HHLA1: variants seen among roughly 807,000 people sequenced by gnomAD.
HHLA1 encodes HHLA1 neighbor of OC90, also known as HERV-H LTR-associating protein 1.
HHLA1 carries 72 observed loss-of-function variants against 69.9 expected under a neutral mutation model. That is an observed-to-expected ratio of 1.03 (90% CI 0.85 to 1.25). HHLA1 has a LOEUF of 1.25. Among genes scored for constraint, HHLA1 ranks in the 50% most tolerant of loss-of-function variants. The probability of loss-of-function intolerance (pLI) is 0.00; values close to 1 mark genes in which losing one functional copy is unlikely to be tolerated. For synonymous variants in HHLA1, 252 were observed against 233.2 expected (o/e 1.08, Z -0.73); for missense variants, 685 against 642.2 (o/e 1.07, Z -0.72).
intron 11 of HHLA1, 107 bp downstream of exon 11, chr8:132,079,611 G>GT (rs894873919): frequency 2.4e-6 from 3 of 1,231,932 alleles, no homozygotes; most frequent in Non-Finnish European, 2.2e-6. Context: ...CGTAACTTCA[G>GT]TTGGTGGAGA....
At chr8:132,101,665 C>T (rs1489778469) in intron 3 of HHLA1, among the ~76,000 whole-genome samples, 1 of 151,654 alleles carries the variant, frequency 6.6e-6, no homozygotes, top group East Asian at 1.9e-4. Context: ...CCTCTGTCTC[C>T]TGGGGTCAAG....
chr8:132,086,550 T>C (rs901638726), intron 10 of HHLA1, among the ~76,000 whole-genome samples: 6 of 151,908 alleles, frequency 3.9e-5, no homozygotes, highest in African/African-American at 1.5e-4. Context: ...GTAAATATGT[T>C]CTCTCTTCCT....
chr8:132,079,797 C>T lies in HHLA1; in HGVS notation c.846G>A (p.Leu282=). Residue 282 remains leucine (L), a synonymous_variant, in exon 11 of 17, where the codon CTG becomes CTA. Coordinates refer to ENST00000414222, the MANE Select transcript of HHLA1 (RefSeq NM_001145095.3). ...TAAPSETEET[L]NTGRPPELPA... Reference sequence around the variant, plus strand: ...GAAGCTCAGGAGGCCTGCCTGTGTTCAGGGTCTCCTCTGTTTCTGAAGGAG... The same window carrying T: ...GAAGCTCAGGAGGCCTGCCTGTGTTTAGGGTCTCCTCTGTTTCTGAAGGAG... 1.3e-6 allele frequency: 2 copies of T among 1,551,704 alleles called. No homozygotes were observed. The highest frequency in any genetic ancestry group is 1.2e-5 in the South Asian group (1 of 84,052).
rs1332862099 is a variant in HHLA1 at position 132,089,608 on chromosome 8, C to A, written c.449-9G>T. 13 of 1,331,496 alleles carry A rather than the reference C, an allele frequency of 9.8e-6. No homozygotes were observed. The highest frequency in any genetic ancestry group is 1.5e-5 in the African/African-American group (1 of 68,928). The allele number at this position is 1,331,496 out of a possible 1,614,324, so 82.5% of individuals were successfully genotyped here. On this transcript the variant is annotated splice_polypyrimidine_tract_variant and intron_variant, in intron 7 of 16. Transcript: ENST00000414222. ...CAGTAGAGCTGTAAAATCTGCAAGA[C>A]AAATTTAGGAGGTTTAAATTTCTGC...
intron 5 of HHLA1, among the ~76,000 whole-genome samples, chr8:132,097,442 C>T (rs1256400640): frequency 1.3e-5 from 2 of 152,130 alleles, no homozygotes; most frequent in Admixed American, 6.5e-5. Context: ...CACGCCTCAA[C>T]GTCTGCATCT....
chr8:132,062,855 T>G lies in HHLA1; in HGVS notation c.*1140A>C, dbSNP rs1456785882. 6.6e-6 allele frequency: 1 copy of G among 152,188 alleles called. No individual in the cohort carries two copies. Among genetic ancestry groups the G allele is most frequent in the Non-Finnish European group, 1.5e-5 (1 of 68,076 alleles). The allele number at this position is 152,188 out of a possible 1,614,324, so 9.4% of individuals were successfully genotyped here. On this transcript the variant is annotated 3_prime_UTR_variant, in exon 17 of 17. Coordinates refer to ENST00000414222, the MANE Select transcript of HHLA1 (RefSeq NM_001145095.3). Reference sequence around the variant, plus strand: ...CAGCTCCTGGGGAATCCCCTGTAAATCCTTGGAATATCCTGCCTGATGAGT... The same window carrying G: ...CAGCTCCTGGGGAATCCCCTGTAAAGCCTTGGAATATCCTGCCTGATGAGT...
chr8:132,064,080 A>T, intron 16 of HHLA1, 42 bp from the exon 17 acceptor site: 1 of 1,226,356 alleles, frequency 8.2e-7, no homozygotes, highest in South Asian at 1.3e-5. Context: ...AGGTACTGAG[A>T]TATAAACACT....
intron 10 of HHLA1, chr8:132,080,426 G>A: frequency 3.3e-6 from 1 of 303,508 alleles, no homozygotes; most frequent in Non-Finnish European, 6.4e-6. Flanking sequence ...TTCTCTGGCG[G>A]GCAGGAGTGG....
At chr8:132,087,378 A>G (rs992934543) in intron 10 of HHLA1, among the ~76,000 whole-genome samples, 2 of 152,320 alleles carry the variant, frequency 1.3e-5, no homozygotes, top group East Asian at 3.9e-4. Flanking sequence ...AGGACTATGG[A>G]AAAGAAGGAA....
chr8:132,095,412 G>T (rs898303935), intron 7 of HHLA1, 107 bp downstream of exon 7: 1 of 698,348 alleles, frequency 1.4e-6, no homozygotes, highest in Non-Finnish European at 2.5e-6. Flanking sequence ...AAGGGTAGTG[G>T]ATAGGACCAT....
intron 10 of HHLA1, 70 bp from the exon 11 acceptor site, chr8:132,080,036 C>T (rs1229278420): frequency 6.6e-7 from 1 of 1,518,240 alleles, no homozygotes; most frequent in Non-Finnish European, 9.0e-7. Flanking sequence ...TGAAAGGTCA[C>T]TGGACTGCAA....
chr8:132,074,810 A>G lies in HHLA1; in HGVS notation c.1315+1245T>C, dbSNP rs560718342. On this transcript the variant is annotated intron_variant, in intron 14 of 16. Coordinates refer to ENST00000414222, the MANE Select transcript of HHLA1 (RefSeq NM_001145095.3). ...TGGGTTAATTGAAGGATGGATAGAT[A>G]GATGGCTTGGATAAATATCTATTAG... Among the ~76,000 whole-genome samples, 4 of 152,348 alleles carry G rather than the reference A, an allele frequency of 2.6e-5. No individual in the cohort carries two copies. In the East Asian group the frequency reaches 5.8e-4, roughly 22 times the overall value.
intron 14 of HHLA1, 99 bp downstream of exon 14, chr8:132,075,956 G>A (rs1823630740): frequency 1.1e-6 from 1 of 893,606 alleles, no homozygotes; most frequent in Admixed American, 2.3e-5. Flanking sequence ...CCATGAGTCT[G>A]ATTTTCTAAA....
intron 15 of HHLA1, among the ~76,000 whole-genome samples, chr8:132,068,709 T>C (rs1398563880): frequency 6.6e-6 from 1 of 152,222 alleles, no homozygotes; most frequent in Non-Finnish European, 1.5e-5. Flanking sequence ...CTGCACGCAC[T>C]GTGGAGTCAG....
chr8:132,108,050 G>C (rs1258324522), intron 1 of HHLA1, among the ~76,000 whole-genome samples: 3 of 152,166 alleles, frequency 2.0e-5, no homozygotes, highest in African/African-American at 7.2e-5. Context: ...CCTTCACTCA[G>C]TCAAAAAGCA....
intron 3 of HHLA1, among the ~76,000 whole-genome samples, chr8:132,101,582 AT>A (rs56123548): frequency 0.26 from 37,116 of 145,128 alleles, 4,608 homozygotes; most frequent in East Asian, 0.33. Context: ...TACCCTATTA[AT>A]TTTTTTTTTT....
chr8:132,084,970 G>A (rs1039550975), intron 10 of HHLA1, among the ~76,000 whole-genome samples: 4 of 150,986 alleles, frequency 2.6e-5, no homozygotes, highest in African/African-American at 4.9e-5. Flanking sequence ...AAAGTGGGAT[G>A]TGCCGCTAAG....
intron 4 of HHLA1, among the ~76,000 whole-genome samples, chr8:132,099,306 C>T (rs542776965): frequency 6.6e-5 from 10 of 152,254 alleles, no homozygotes; most frequent in African/African-American, 2.2e-4. Context: ...GAGTTCTCAG[C>T]AGCTCTGTGT....
Position 132,098,896 on chromosome 8 carries a change from C to T in HHLA1, c.266G>A (p.Ser89Asn), listed in dbSNP as rs1824066776. ...NLTELVNGML[S>N]RALKDSKKFF... is the part of the protein sequence containing the mutation. Reference sequence around the variant, plus strand: ...AATATGATTACCTTTTAACGCTCTACTGAGCATCCCATTCACAAGCTCTGT... The same window carrying T: ...AATATGATTACCTTTTAACGCTCTATTGAGCATCCCATTCACAAGCTCTGT... Residue 89 changes from serine to asparagine, a missense_variant, in exon 5 of 17, where the codon AGT (serine) becomes AAT (asparagine). Physicochemically the swap from Ser to Asn is conservative, Grantham distance 46. Transcript: ENST00000414222. The T allele has an allele frequency of 1.3e-6, 2 of 1,549,552 alleles. No homozygotes were observed. The highest frequency in any genetic ancestry group is 1.7e-6 in the Non-Finnish European group (2 of 1,145,202).
Sources: allele counts gnomAD v4.1 joint callset (sites outside exome capture counted in the v4.1 genomes callset), GRCh38; gene constraint gnomAD v4.1.1; transcripts MANE v1.5; gene names NCBI Gene and HGNC (gene_info 2026-07-23, HGNC 2026-07-21).